Variants in CASK observed in about 807,000 individuals in gnomAD.
CASK encodes peripheral plasma membrane protein CASK.
In CASK, 4 loss-of-function variants were observed where a neutral mutation model predicts 82.9. The ratio of observed to expected loss-of-function variants is 0.05; its 90% confidence interval spans 0.02 to 0.11. The LOEUF is 0.11. CASK is among the 10% of genes least tolerant of loss of function. CASK has a pLI of 1.00. For synonymous variants in CASK, 259 were observed against 253.5 expected (o/e 1.02, Z -0.20); for missense variants, 358 against 720.9 (o/e 0.50, Z 5.76).
At chrX:41,731,963 A>G (rs1335370846) in intron 5 of CASK, among the ~76,000 whole-genome samples, 3 of 95,277 alleles carry the variant, frequency 3.1e-5, no homozygotes, top group African/African-American at 4.0e-5. Context: ...TTTTGTAGAG[A>G]TGTGCTCTTG....
At chrX:41,651,688 C>T (rs2066868070) in intron 8 of CASK, among the ~76,000 whole-genome samples, 1 of 112,038 alleles carries the variant, frequency 8.9e-6, no homozygotes. Context: ...ATGTCATCAC[C>T]TTAAGATACA....
chrX:41,846,871 T>C lies in CASK; in HGVS notation c.172+6244A>G, dbSNP rs192741258. ...CAATATCTTCATTTATCCTACATGT[T>C]TGAAGTATGGTTTTGCTGGATAAAG... On this transcript the variant is annotated intron_variant, in intron 2 of 26. Coordinates refer to ENST00000378163, the MANE Select transcript of CASK (RefSeq NM_001367721.1). Among the ~76,000 whole-genome samples the C allele has an allele frequency of 1.1e-4, 12 of 112,384 alleles. 1 individual carries two copies. Among genetic ancestry groups the C allele is most frequent in the Admixed American group, 8.5e-4 (9 of 10,649 alleles).
chrX:41,915,943 G>A (rs1447824665), intron 1 of CASK, among the ~76,000 whole-genome samples: 2 of 111,659 alleles, frequency 1.8e-5, no homozygotes, highest in East Asian at 2.8e-4. Flanking sequence ...AGCCGAGATC[G>A]CGCCATTGCA....
chrX:41,652,127 GGGAA>G lies in CASK; in HGVS notation c.831+8308_831+8311del, dbSNP rs774553527. 2.7e-5 allele frequency among the ~76,000 whole-genome samples: 3 copies of G among 111,243 alleles called. No individual in the cohort carries two copies. In the South Asian group the frequency reaches 1.1e-3, roughly 42 times the overall value. On this transcript the variant is annotated intron_variant, in intron 8 of 26. Transcript: ENST00000378163. ...TGATATCTGAGGGAAGAGTATTCTA[GGGAA>G]GGGTCATATAAAGGTGCTGAGGTGA...
At chrX:41,785,325 G>A (rs2069571240) in intron 3 of CASK, among the ~76,000 whole-genome samples, 1 of 111,884 alleles carries the variant, frequency 8.9e-6, no homozygotes, top group Non-Finnish European at 1.9e-5. Flanking sequence ...CTTTTAGCAG[G>A]TTTGCCAGAA....
At chrX:41,894,768 G>C (rs1340814900) in intron 1 of CASK, among the ~76,000 whole-genome samples, 3 of 111,058 alleles carry the variant, frequency 2.7e-5, no homozygotes, top group Non-Finnish European at 3.8e-5. Context: ...GTGGGGGCAG[G>C]GATGCTGGTG....
chrX:41,729,611 G>C (rs1324775879), intron 5 of CASK: 2 of 107,731 alleles, frequency 1.9e-5, no homozygotes, highest in Non-Finnish European at 3.9e-5. Context: ...CCAGCTACTT[G>C]GGAGGCTGAG....
chrX:41,600,116 C>T (rs940203401), intron 12 of CASK, among the ~76,000 whole-genome samples: 7 of 111,945 alleles, frequency 6.3e-5, no homozygotes, highest in African/African-American at 2.3e-4. Flanking sequence ...TAAAAGGTAA[C>T]ATTTATGTTA....
chrX:41,912,727 A>C (rs1260626444), intron 1 of CASK, among the ~76,000 whole-genome samples: 1 of 104,791 alleles, frequency 9.5e-6, no homozygotes, highest in African/African-American at 3.4e-5. Context: ...GCTTGAGGCC[A>C]GGAGTTTGAG....
rs759786302 is a variant in CASK at position 41,814,028 on chromosome X, C to G, written c.173-26745G>C. 1.2e-3 allele frequency among the ~76,000 whole-genome samples: 137 copies of G among 112,219 alleles called. 2 individuals carry two copies. Among genetic ancestry groups the G allele is most frequent in the African/African-American group, 4.3e-3 (134 of 30,925 alleles). On this transcript the variant is annotated intron_variant, in intron 2 of 26. Coordinates refer to ENST00000378163, the MANE Select transcript of CASK (RefSeq NM_001367721.1). ...CACTGGCCATCAGAGAAATGCAAAT[C>G]AAAACCACAATGAGATACCATCTCA...
intron 2 of CASK, among the ~76,000 whole-genome samples, chrX:41,846,982 G>C (rs1249466668): frequency 9.0e-6 from 1 of 111,269 alleles, no homozygotes; most frequent in African/African-American, 3.3e-5. Context: ...AAAGAAATCT[G>C]CTGTTAATAT....
intron 8 of CASK, among the ~76,000 whole-genome samples, chrX:41,649,193 A>G (rs112335776): frequency 1.5e-3 from 164 of 111,176 alleles, no homozygotes; most frequent in African/African-American, 3.1e-3. Context: ...GATCTTTTCA[A>G]AAAACCAGCT....
At chrX:41,832,207 G>GA (rs1436335295) in intron 2 of CASK, among the ~76,000 whole-genome samples, 2 of 111,187 alleles carry the variant, frequency 1.8e-5, no homozygotes, top group Non-Finnish European at 3.8e-5. Flanking sequence ...TCTACTCTAG[G>GA]AAAATTACAA....
chrX:41,798,910 A>G (rs974996381), intron 2 of CASK, among the ~76,000 whole-genome samples: 6 of 112,523 alleles, frequency 5.3e-5, no homozygotes, highest in Non-Finnish European at 1.1e-4. Flanking sequence ...CTGCAAAGCA[A>G]AGACTGGAAC....
chrX:41,836,680 TG>T (rs1047260704), intron 2 of CASK, among the ~76,000 whole-genome samples: 9 of 111,684 alleles, frequency 8.1e-5, no homozygotes, highest in African/African-American at 2.9e-4. Context: ...CAAACTGTTC[TG>T]GAAGCATATT....
chrX:41,625,919 C>T (rs2066363206), intron 10 of CASK, among the ~76,000 whole-genome samples: 1 of 102,460 alleles, frequency 9.8e-6, no homozygotes, highest in Non-Finnish European at 2.0e-5. Context: ...GCTGGGACTA[C>T]AGGCGCAGGC....
chrX:41,636,258 T>A (rs1362464086), intron 9 of CASK, among the ~76,000 whole-genome samples: 1 of 111,822 alleles, frequency 8.9e-6, no homozygotes, highest in Admixed American at 9.6e-5. Flanking sequence ...TGTCAAAATA[T>A]TTAAGTTTGA....
chrX:41,789,535 T>G lies in CASK; in HGVS notation c.173-2252A>C, dbSNP rs190237152. ...GGATGTGAAGCAGCTGTGGGGTTTGTGCTGGGAAGTCATAACCATGAGGAA... is the reference window on the plus strand; with the variant it reads ...GGATGTGAAGCAGCTGTGGGGTTTGGGCTGGGAAGTCATAACCATGAGGAA... On this transcript the variant is annotated intron_variant, in intron 2 of 26. Transcript: ENST00000378163. Among the ~76,000 whole-genome samples, 621 of 111,493 alleles carry G rather than the reference T, an allele frequency of 5.6e-3. 4 individuals carry two copies. The highest frequency in any genetic ancestry group is 0.018 in the African/African-American group (556 of 30,693).
At chrX:41,722,280 C>A (rs1238043639) in intron 5 of CASK, among the ~76,000 whole-genome samples, 1 of 112,100 alleles carries the variant, frequency 8.9e-6, no homozygotes, top group African/African-American at 3.2e-5. Flanking sequence ...GTGATCATCA[C>A]CTCCTGATAT....
Sources: allele counts gnomAD v4.1 joint callset (sites outside exome capture counted in the v4.1 genomes callset), GRCh38; gene constraint gnomAD v4.1.1; transcripts MANE v1.5; gene names NCBI Gene and HGNC (gene_info 2026-07-23, HGNC 2026-07-21).